The following SLC4A4 variants were observed in gnomAD, a reference collection of about 807,000 sequenced individuals.
The protein encoded by SLC4A4 is solute carrier family 4 member 4.
Under a neutral mutation model 111.5 loss-of-function variants are expected in SLC4A4, and 27 were observed. The ratio of observed to expected loss-of-function variants is 0.24; its 90% CI spans 0.18 to 0.33. The LOEUF is 0.33. SLC4A4 is among the 10% of genes least tolerant of loss of function. The pLI is 1.00. For missense variants in SLC4A4, 909 were observed against 1,315.5 expected (o/e 0.69, Z 4.78); for synonymous variants, 443 against 463.4 (o/e 0.96, Z 0.57).
intron 2 of SLC4A4, among the ~76,000 whole-genome samples, chr4:71,093,060 A>C (rs1256037204): frequency 6.6e-6 from 1 of 151,728 alleles, no homozygotes; most frequent in Non-Finnish European, 1.5e-5. Context: ...ACGCCACTGC[A>C]CTCCAGCCTG....
chr4:71,318,360 T>A (rs537816352), intron 3 of SLC4A4, among the ~76,000 whole-genome samples: 16 of 152,184 alleles, frequency 1.1e-4, no homozygotes, highest in African/African-American at 3.9e-4. Flanking sequence ...ATTAACCAAT[T>A]GTCATTCACG....
chr4:71,450,362 A>C (rs1163169261), intron 9 of SLC4A4, 27 bp from the exon 10 acceptor site: 1 of 1,564,592 alleles, frequency 6.4e-7, no homozygotes, highest in East Asian at 2.2e-5. Flanking sequence ...ATCTTTTTGG[A>C]TGAGCACATC....
chr4:71,170,765 C>T (rs1744912010), intron 2 of SLC4A4, among the ~76,000 whole-genome samples: 1 of 152,112 alleles, frequency 6.6e-6, no homozygotes. Flanking sequence ...GTGTTGGTGA[C>T]ATTTAAGTGG....
chr4:71,522,976 AT>A (rs1328526508), intron 16 of SLC4A4, among the ~76,000 whole-genome samples: 6 of 152,112 alleles, frequency 3.9e-5, no homozygotes, highest in Admixed American at 1.3e-4. Context: ...TTCTAGAACC[AT>A]TTTTTTAATT....
chr4:71,092,042 A>G (rs1453531878), intron 1 of SLC4A4, among the ~76,000 whole-genome samples: 2 of 152,222 alleles, frequency 1.3e-5, no homozygotes, highest in Non-Finnish European at 2.9e-5. Flanking sequence ...TGTGGTATCA[A>G]GTACCAGACT....
At chr4:71,509,460 G>A (rs963210342) in intron 16 of SLC4A4, among the ~76,000 whole-genome samples, 1 of 151,046 alleles carries the variant, frequency 6.6e-6, no homozygotes, top group Admixed American at 6.6e-5. Flanking sequence ...ATAGTATATT[G>A]GCTTTCATTC....
At chr4:71,250,938 G>C (rs1433594896) in intron 2 of SLC4A4, among the ~76,000 whole-genome samples, 1 of 152,154 alleles carries the variant, frequency 6.6e-6, no homozygotes, top group African/African-American at 2.4e-5. Flanking sequence ...CCTGTACAAT[G>C]GGGATAGGAG....
chr4:71,319,276 C>A (rs1726941523), intron 3 of SLC4A4, among the ~76,000 whole-genome samples: 1 of 151,944 alleles, frequency 6.6e-6, no homozygotes, highest in African/African-American at 2.4e-5. Context: ...AATCCTCATT[C>A]TATTCATGTG....
rs532340017 is a variant in SLC4A4 at position 71,130,860 on chromosome 4, A to C, written c.-2+38068A>C. Among the ~76,000 whole-genome samples, 4 of 152,164 alleles carry C rather than the reference A, an allele frequency of 2.6e-5. No individual in the cohort carries two copies. In the South Asian group the frequency reaches 8.3e-4, roughly 32 times the overall value. On this transcript the variant is annotated intron_variant, in intron 2 of 26. Coordinates refer to the SLC4A4 transcript ENST00000649996. ...TTTTAGGAAAACTCAAGCTGAGGGGAGATATCTTTGTAGTTGAGAGAGCTC... is the reference window on the plus strand; with the variant it reads ...TTTTAGGAAAACTCAAGCTGAGGGGCGATATCTTTGTAGTTGAGAGAGCTC...
rs920899442 is a variant in SLC4A4 at position 71,255,505 on chromosome 4, T to C, written c.253+106T>C. On this transcript the variant is annotated intron_variant, in intron 3 of 25. Transcript: ENST00000264485. ...CTAAAGGGGAGGGACACTGTAATAC[T>C]GAGATGTTTAGAATCTGTTCTAAAG... 4.3e-5 allele frequency: 49 copies of C among 1,135,936 alleles called. No individual in the cohort carries two copies. In the African/African-American group the frequency reaches 6.8e-4, roughly 16 times the overall value. 70.4% of individuals were successfully genotyped at this position (1,135,936 alleles called of 1,614,324 possible).
intron 2 of SLC4A4, among the ~76,000 whole-genome samples, chr4:71,164,038 G>C (rs1264636418): frequency 1.3e-5 from 2 of 152,120 alleles, no homozygotes; most frequent in Non-Finnish European, 2.9e-5. Context: ...CTGAGGTCAG[G>C]AGTTTGAGAC....
chr4:71,392,926 A>G (rs917902635), intron 6 of SLC4A4, among the ~76,000 whole-genome samples: 2 of 152,198 alleles, frequency 1.3e-5, no homozygotes, highest in Admixed American at 6.5e-5. Context: ...TCACATGATC[A>G]TCTCAATAAA....
chr4:71,210,015 T>C (rs903738384), intron 1 of SLC4A4, among the ~76,000 whole-genome samples: 1 of 152,226 alleles, frequency 6.6e-6, no homozygotes, highest in African/African-American at 2.4e-5. Context: ...GTTTATCTCT[T>C]TTTTCCTTTT....
intron 3 of SLC4A4, among the ~76,000 whole-genome samples, chr4:71,264,396 AC>A (rs1722088106): frequency 6.6e-6 from 1 of 152,214 alleles, no homozygotes; most frequent in Non-Finnish European, 1.5e-5. Flanking sequence ...CACAAAGACC[AC>A]AAGATAAACC....
At chr4:71,316,858 T>C (rs1461872310) in intron 3 of SLC4A4, among the ~76,000 whole-genome samples, 1 of 152,074 alleles carries the variant, frequency 6.6e-6, no homozygotes, top group Non-Finnish European at 1.5e-5. Context: ...TTGAGCTCCA[T>C]CCATGTCCCT....
rs181085217 is a variant in SLC4A4 at position 71,093,681 on chromosome 4, A to G, written c.-2+889A>G. Among the ~76,000 whole-genome samples the G allele has an allele frequency of 9.0e-4, 137 of 152,274 alleles. 2 individuals are homozygous for G. Among genetic ancestry groups the G allele is most frequent in the Non-Finnish European group, 6.0e-4 (41 of 68,022 alleles). On this transcript the variant is annotated intron_variant, in intron 2 of 26. Transcript: ENST00000649996. ...AATGATTGCTATTGTTGTTGTTGGTAAAATAGGTGAAAAATGAGCGTGGAG... is the reference window on the plus strand; with the variant it reads ...AATGATTGCTATTGTTGTTGTTGGTGAAATAGGTGAAAAATGAGCGTGGAG...
intron 20 of SLC4A4, among the ~76,000 whole-genome samples, chr4:71,554,652 T>C (rs564739947): frequency 6.6e-6 from 1 of 151,782 alleles, no homozygotes; most frequent in Non-Finnish European, 1.5e-5. Context: ...TTTATTTTAT[T>C]GAAAGAGGCA....
intron 8 of SLC4A4, 126 bp from the exon 9 acceptor site, chr4:71,447,520 C>G: frequency 1.4e-6 from 1 of 711,640 alleles, no homozygotes. Flanking sequence ...AATATATTAC[C>G]TTTGTTTTAA....
chr4:71,343,194 G>C (rs1729033572), intron 4 of SLC4A4, among the ~76,000 whole-genome samples: 1 of 152,210 alleles, frequency 6.6e-6, no homozygotes, highest in African/African-American at 2.4e-5. Context: ...CGACACAACT[G>C]TTCTGAATAT....
Sources: allele counts gnomAD v4.1 joint callset (sites outside exome capture counted in the v4.1 genomes callset), GRCh38; gene constraint gnomAD v4.1.1; transcripts MANE v1.5; gene names NCBI Gene and HGNC (gene_info 2026-07-23, HGNC 2026-07-21).